ATRNL1: variants seen among roughly 807,000 people sequenced by gnomAD.
The protein encoded by ATRNL1 is attractin-like protein 1.
ATRNL1 carries 95 observed loss-of-function variants against 182.7 expected under a neutral mutation model. The observed-to-expected ratio is 0.52, with a 90% confidence interval of 0.44 to 0.62. The LOEUF is 0.62. Ranked by LOEUF, ATRNL1 falls within the 20% of genes least tolerant of loss-of-function variation. ATRNL1 has a pLI of 0.00. For missense variants in ATRNL1, 1,471 were observed against 1,679.5 expected, an observed-to-expected ratio of 0.88 and a Z score of 2.17; for synonymous variants, 576 against 568.3, an observed-to-expected ratio of 1.01 and a Z score of -0.19.
chr10:115,564,867 T>C (rs1373875472), intron 26 of ATRNL1, among the ~76,000 whole-genome samples: 1 of 151,994 alleles, frequency 6.6e-6, no homozygotes, highest in Non-Finnish European at 1.5e-5. Context: ...TTTGTATATT[T>C]TTGCATGTAA....
chr10:115,354,343 T>G (rs1856409610), intron 19 of ATRNL1, among the ~76,000 whole-genome samples: 1 of 151,372 alleles, frequency 6.6e-6, no homozygotes, highest in African/African-American at 2.4e-5. Flanking sequence ...CTCTTCAGCA[T>G]TTTTTTTTGT....
chr10:115,391,771 C>T (rs181015704), intron 19 of ATRNL1, among the ~76,000 whole-genome samples: 1 of 151,968 alleles, frequency 6.6e-6, no homozygotes, highest in African/African-American at 2.4e-5. Flanking sequence ...CCACTATCTT[C>T]CTAACATCAC....
intron 26 of ATRNL1, among the ~76,000 whole-genome samples, chr10:115,718,914 A>T (rs1008548538): frequency 6.6e-6 from 1 of 152,118 alleles, no homozygotes; most frequent in Non-Finnish European, 1.5e-5. Context: ...GCTGGCATGG[A>T]GAAGCTTGCT....
chr10:115,831,162 T>C (rs782501751), intron 27 of ATRNL1, among the ~76,000 whole-genome samples: 4 of 152,146 alleles, frequency 2.6e-5, no homozygotes, highest in Non-Finnish European at 5.9e-5. Context: ...CGTTGGTATT[T>C]CCCGGTTTGC....
chr10:115,730,687 T>C (rs1555062465), intron 27 of ATRNL1, among the ~76,000 whole-genome samples: 2 of 152,174 alleles, frequency 1.3e-5, no homozygotes, highest in Non-Finnish European at 2.9e-5. Context: ...TCTGCTTTTA[T>C]AGCTATGGGA....
chr10:115,722,490 T>G (rs1176491461), intron 26 of ATRNL1, among the ~76,000 whole-genome samples: 2 of 152,184 alleles, frequency 1.3e-5, no homozygotes, highest in Non-Finnish European at 2.9e-5. Flanking sequence ...TTCTTGCCAC[T>G]TCTCTTCTTT....
chr10:115,544,399 T>C (rs951874), intron 25 of ATRNL1, among the ~76,000 whole-genome samples: 45,110 of 151,962 alleles, frequency 0.3, 7,583 homozygotes, highest in African/African-American at 0.46. Flanking sequence ...AATTGGCTCA[T>C]GGTTCTGCAG....
At chr10:115,112,428 A>C (rs1844297474) in intron 1 of ATRNL1, among the ~76,000 whole-genome samples, 1 of 152,206 alleles carries the variant, frequency 6.6e-6, no homozygotes, top group South Asian at 2.1e-4. Context: ...CGTGGATTTC[A>C]AATTTTTTTT....
chr10:115,821,434 C>T (rs1032812999), intron 27 of ATRNL1, among the ~76,000 whole-genome samples: 1 of 151,968 alleles, frequency 6.6e-6, no homozygotes. Flanking sequence ...TTCCACATAA[C>T]AATATTAACC....
chr10:115,913,174 G>A (rs902525698), intron 28 of ATRNL1, among the ~76,000 whole-genome samples: 2 of 152,258 alleles, frequency 1.3e-5, no homozygotes, highest in African/African-American at 4.8e-5. Context: ...TATTTTAACT[G>A]ATTACAAATT....
At chr10:115,606,328 T>G (rs1555017597) in intron 26 of ATRNL1, among the ~76,000 whole-genome samples, 1 of 152,182 alleles carries the variant, frequency 6.6e-6, no homozygotes, top group South Asian at 2.1e-4. Flanking sequence ...GGGAGCTGCA[T>G]GCTGAATTTA....
intron 28 of ATRNL1, among the ~76,000 whole-genome samples, chr10:115,944,139 A>G (rs1555124872): frequency 6.6e-6 from 1 of 151,838 alleles, no homozygotes; most frequent in Non-Finnish European, 1.5e-5. Context: ...GTCAAAACCA[A>G]TGGAACTATG....
chr10:115,941,804 A>G (rs1440676918), intron 28 of ATRNL1, among the ~76,000 whole-genome samples: 8 of 152,232 alleles, frequency 5.3e-5, no homozygotes, highest in South Asian at 2.1e-4. Context: ...AAAAATAATA[A>G]CAAGGTCCTT....
Position 115,774,808 on chromosome 10 carries a change from G to A in ATRNL1, c.3903+47453G>A, listed in dbSNP as rs908287377. ...CTTATTTTTTTTTCAAGATTAGCTA[G>A]CACTTATAACACTTCTTGCTAACGT... is the stretch of plus-strand genomic sequence containing the variant. On this transcript the variant is annotated intron_variant, in intron 27 of 28. Coordinates refer to ENST00000355044, the MANE Select transcript of ATRNL1 (RefSeq NM_207303.4). Among the ~76,000 whole-genome samples the A allele has an allele frequency of 1.3e-3, 191 of 151,212 alleles. 1 individual carries two copies. Among genetic ancestry groups the A allele is most frequent in the Non-Finnish European group, 1.2e-4 (8 of 67,894 alleles).
At chr10:115,234,584 TTC>T (rs1168424070) in intron 9 of ATRNL1, among the ~76,000 whole-genome samples, 8 of 149,816 alleles carry the variant, frequency 5.3e-5, no homozygotes, top group African/African-American at 1.0e-4. Context: ...TTCGATTTTT[TTC>T]TTTTTCTTTT....
rs941445744 is a variant in ATRNL1, at chr10:115,634,336, C to A, written c.3795+84800C>A. 4.6e-5 allele frequency among the ~76,000 whole-genome samples: 7 copies of A among 152,092 alleles called. No homozygotes were observed. The South Asian group carries it at 1.0e-3, about 22-fold the overall frequency. On this transcript the variant is annotated intron_variant, in intron 26 of 28. Transcript: ENST00000355044. ...GTCTATAATGGTACTTGAATTCAAT[C>A]AGCCATATTAAGAACTGACCTATTT...
At chr10:115,568,126 T>C (rs1344714299) in intron 26 of ATRNL1, among the ~76,000 whole-genome samples, 2 of 152,192 alleles carry the variant, frequency 1.3e-5, no homozygotes, top group South Asian at 2.1e-4. Context: ...TGAATGTAGG[T>C]ACGTAGAATC....
intron 9 of ATRNL1, among the ~76,000 whole-genome samples, chr10:115,217,305 C>T (rs1849273387): frequency 6.6e-6 from 1 of 152,120 alleles, no homozygotes; most frequent in African/African-American, 2.4e-5. Flanking sequence ...TAAGCCTGGT[C>T]TTGAACTCCT....
chr10:115,715,343 T>C (rs1338844371), intron 26 of ATRNL1, among the ~76,000 whole-genome samples: 1 of 152,200 alleles, frequency 6.6e-6, no homozygotes, highest in Non-Finnish European at 1.5e-5. Context: ...ACTTCTTGGG[T>C]ATCATATACC....
Sources: gnomAD v4.1 joint callset for allele counts (sites outside exome capture counted in the v4.1 genomes callset) on GRCh38, gnomAD v4.1.1 for gene constraint, MANE v1.5 for transcripts, NCBI Gene and HGNC (gene_info 2026-07-23, HGNC 2026-07-21) for gene names.